The following RNF180 variants were observed in gnomAD, a reference collection of about 807,000 sequenced individuals.
RNF180 encodes E3 ubiquitin-protein ligase RNF180.
In RNF180, 38 loss-of-function variants were observed where a neutral mutation model predicts 59.2. The ratio of observed to expected loss-of-function variants is 0.64; its 90% confidence interval spans 0.50 to 0.84. The LOEUF (loss-of-function observed/expected upper bound fraction) is 0.84, where lower values mean the gene tolerates loss of function less well. RNF180 is among the 40% of genes least tolerant of loss of function. The probability of loss-of-function intolerance (pLI) is 0.00; values close to 1 mark genes in which losing one functional copy is unlikely to be tolerated. For missense variants in RNF180, 705 were observed against 700.9 expected (o/e 1.01, Z -0.07); for synonymous variants, 262 against 240.3 (o/e 1.09, Z -0.84).
chr5:64,262,364 C>T (rs1024853054), intron 5 of RNF180, among the ~76,000 whole-genome samples: 2 of 152,130 alleles, frequency 1.3e-5, no homozygotes, highest in African/African-American at 4.8e-5. Context: ...CATCTATGCA[C>T]TGGGCACTGT....
At chr5:64,329,371 A>G (rs1447348020) in intron 6 of RNF180, among the ~76,000 whole-genome samples, 3 of 152,090 alleles carry the variant, frequency 2.0e-5, no homozygotes, top group Admixed American at 6.5e-5. Context: ...CAGTTTTCCC[A>G]AGGAATTAAG....
chr5:64,200,193 G>A (rs1751669253), intron 1 of RNF180, among the ~76,000 whole-genome samples: 1 of 152,136 alleles, frequency 6.6e-6, no homozygotes, highest in Admixed American at 6.5e-5. Context: ...GACTTTAGGA[G>A]GCTGAGGCAG....
intron 5 of RNF180, among the ~76,000 whole-genome samples, chr5:64,274,651 A>T (rs1741613070): frequency 6.6e-6 from 1 of 152,082 alleles, no homozygotes. Context: ...AGAAGTGCTA[A>T]TTCAGCCTCA....
At chr5:64,282,026 T>C (rs1483638432) in intron 5 of RNF180, among the ~76,000 whole-genome samples, 1 of 152,178 alleles carries the variant, frequency 6.6e-6, no homozygotes, top group Non-Finnish European at 1.5e-5. Flanking sequence ...TTGAGGATTT[T>C]TGCATCCGTG....
intron 5 of RNF180, among the ~76,000 whole-genome samples, chr5:64,237,472 G>A (rs1742511456): frequency 1.3e-5 from 2 of 152,156 alleles, no homozygotes; most frequent in Admixed American, 1.3e-4. Context: ...GATTTTATAG[G>A]CTCATAGGTG....
intron 5 of RNF180, among the ~76,000 whole-genome samples, chr5:64,323,355 A>G (rs1443495238): frequency 6.6e-6 from 1 of 152,182 alleles, no homozygotes; most frequent in East Asian, 1.9e-4. Flanking sequence ...AGCCTGGCCA[A>G]CATGATGAAA....
At chr5:64,314,823 A>G (rs1743956998) in intron 5 of RNF180, among the ~76,000 whole-genome samples, 1 of 152,176 alleles carries the variant, frequency 6.6e-6, no homozygotes, top group African/African-American at 2.4e-5. Flanking sequence ...AATTATGTGA[A>G]GAAAATCTAG....
intron 5 of RNF180, among the ~76,000 whole-genome samples, chr5:64,291,076 T>G: frequency 6.6e-6 from 1 of 152,198 alleles, no homozygotes; most frequent in Non-Finnish European, 1.5e-5. Flanking sequence ...GACTTATTTC[T>G]CCTTCACTTA....
At chr5:64,169,741 G>A (rs1749838295) in intron 1 of RNF180, among the ~76,000 whole-genome samples, 2 of 152,172 alleles carry the variant, frequency 1.3e-5, no homozygotes, top group South Asian at 4.1e-4. Context: ...CTCGCTCTTT[G>A]ACCAGTAGAA....
chr5:64,260,270 T>A (rs1243345766), intron 5 of RNF180, among the ~76,000 whole-genome samples: 1 of 152,216 alleles, frequency 6.6e-6, no homozygotes, highest in Non-Finnish European at 1.5e-5. Flanking sequence ...ATCATCATTT[T>A]CAGTAGCTAC....
intron 5 of RNF180, among the ~76,000 whole-genome samples, chr5:64,276,321 TG>T (rs1008407182): frequency 3.7e-5 from 3 of 81,486 alleles, no homozygotes; most frequent in East Asian, 2.3e-4. Flanking sequence ...AATACATTGG[TG>T]TGTGTGTGTG....
chr5:64,246,945 C>T (rs966318851), intron 5 of RNF180, among the ~76,000 whole-genome samples: 2 of 152,162 alleles, frequency 1.3e-5, no homozygotes, highest in Non-Finnish European at 2.9e-5. Flanking sequence ...GGATGCAAGC[C>T]TGGTTCAACA....
chr5:64,267,353 T>C (rs182212836), intron 5 of RNF180, among the ~76,000 whole-genome samples: 4 of 152,222 alleles, frequency 2.6e-5, no homozygotes, highest in African/African-American at 9.6e-5. Context: ...TTTATTTATT[T>C]ATTTATTTGT....
rs140306069 is a variant in RNF180, at chr5:64,244,632, C to T, written c.1227+27236C>T. ...ATTTGATTGGTGTACCTGAAAGTGA[C>T]GGGGAGAATGGAACCAAGTTGAAAA... On this transcript the variant is annotated intron_variant, in intron 5 of 7. Transcript: ENST00000389100. Among the ~76,000 whole-genome samples the T allele has an allele frequency of 2.5e-3, 378 of 152,244 alleles. 2 individuals carry two copies. Among genetic ancestry groups the T allele is most frequent in the African/African-American group, 8.5e-3 (355 of 41,536 alleles).
intron 1 of RNF180, among the ~76,000 whole-genome samples, chr5:64,166,949 AAT>A (rs1749673669): frequency 6.6e-6 from 1 of 152,238 alleles, no homozygotes; most frequent in African/African-American, 2.4e-5. Context: ...TTTCTTAAAA[AAT>A]AGAGTCAATT....
At chr5:64,192,398 G>A (rs1751203679) in intron 1 of RNF180, among the ~76,000 whole-genome samples, 1 of 152,122 alleles carries the variant, frequency 6.6e-6, no homozygotes, top group African/African-American at 2.4e-5. Flanking sequence ...GAGTTGCCAG[G>A]CGCAGTGGCT....
chr5:64,191,244 C>T (rs1007208474), intron 1 of RNF180, among the ~76,000 whole-genome samples: 2 of 152,134 alleles, frequency 1.3e-5, no homozygotes, highest in Non-Finnish European at 2.9e-5. Context: ...GCAGTTTCTC[C>T]TATCATTAAC....
intron 1 of RNF180, among the ~76,000 whole-genome samples, chr5:64,193,069 G>A (rs888334819): frequency 6.6e-6 from 1 of 151,502 alleles, no homozygotes; most frequent in Non-Finnish European, 1.5e-5. Context: ...CTTATATGAG[G>A]TTATCTAAGA....
chr5:64,238,091 G>T (rs1047309718), intron 5 of RNF180, among the ~76,000 whole-genome samples: 2 of 152,228 alleles, frequency 1.3e-5, no homozygotes, highest in Non-Finnish European at 2.9e-5. Flanking sequence ...GAACCATACA[G>T]TATATGACTT....
Sources: gnomAD v4.1 joint callset for allele counts (sites outside exome capture counted in the v4.1 genomes callset) on GRCh38, gnomAD v4.1.1 for gene constraint, MANE v1.5 for transcripts, NCBI Gene and HGNC (gene_info 2026-07-23, HGNC 2026-07-21) for gene names.